Variants in KMT2C observed in about 807,000 individuals in gnomAD.
The protein encoded by KMT2C is lysine methyltransferase 2C, also known as histone-lysine N-methyltransferase 2C.
A neutral mutation model predicts 507.9 loss-of-function variants in KMT2C; 88 were observed. The ratio of observed to expected loss-of-function variants is 0.17; its 90% CI spans 0.15 to 0.21. The LOEUF (loss-of-function observed/expected upper bound fraction) is 0.21, where lower values mean the gene tolerates loss of function less well. Among genes scored for constraint, KMT2C ranks in the 10% least tolerant of loss-of-function variants. The pLI is 1.00. For synonymous variants in KMT2C, 2,049 were observed against 2,080.8 expected (o/e 0.98, Z 0.42); for missense variants, 4,954 against 5,957.8 (o/e 0.83, Z 5.55).
intron 41 of KMT2C, among the ~76,000 whole-genome samples, chr7:152,168,370 A>G (rs1396243191): frequency 1.3e-5 from 2 of 152,184 alleles, no homozygotes; most frequent in Non-Finnish European, 2.9e-5. Flanking sequence ...TTTTAATGCA[A>G]ATATGTATTC....
intron 2 of KMT2C, among the ~76,000 whole-genome samples, chr7:152,348,906 T>C (rs931503632): frequency 6.6e-6 from 1 of 152,174 alleles, no homozygotes; most frequent in African/African-American, 2.4e-5. Flanking sequence ...TGGTGGTTCC[T>C]TACAAAACTA....
At chr7:152,184,505 G>A (rs1272016762) in intron 34 of KMT2C, among the ~76,000 whole-genome samples, 2 of 152,196 alleles carry the variant, frequency 1.3e-5, no homozygotes, top group African/African-American at 2.4e-5. Flanking sequence ...CAAAGATCAT[G>A]TGTCAAAAAC....
intron 2 of KMT2C, among the ~76,000 whole-genome samples, chr7:152,351,920 G>T (rs2097114013): frequency 6.6e-6 from 1 of 152,080 alleles, no homozygotes; most frequent in South Asian, 2.1e-4. Flanking sequence ...ATGTGTGTTT[G>T]AACTATATGA....
Position 152,176,785 on chromosome 7 carries a change from T to G in KMT2C, c.8668A>C (p.Ser2890Arg), listed in dbSNP as rs763198348. 6.2e-7 allele frequency: 1 copy of G among 1,614,198 alleles called. No homozygotes were observed. Among genetic ancestry groups the G allele is most frequent in the East Asian group, 2.2e-5 (1 of 44,878 alleles). Residue 2890 changes from serine (S) to arginine (R), a missense_variant, in exon 38 of 59, where the codon AGT becomes CGT. Ser to Arg is a moderately radical substitution (Grantham distance 110). Around this residue, in one of 29 missense-constraint regions of KMT2C, gnomAD observed 1,689 missense variants for 1,654.3 expected, o/e 1.02. Transcript: ENST00000262189. The stretch of plus-strand genomic sequence containing the variant: ...GTGGATGCCTGAATGACATTTGCAC[T>G]GGGGCCAGCAGTTTCTCGATTGGTT... ...KRTNRETAGP[S>R]ANVIQASTQL...
chr7:152,199,592 C>T (rs1407647009), intron 26 of KMT2C, 133 bp from the exon 27 acceptor site: 3 of 445,366 alleles, frequency 6.7e-6, no homozygotes, highest in Admixed American at 4.4e-5. Flanking sequence ...AAACTGAATA[C>T]AGAAGTATTA....
chr7:152,342,422 G>A (rs2097004490), intron 2 of KMT2C, among the ~76,000 whole-genome samples: 1 of 152,050 alleles, frequency 6.6e-6, no homozygotes, highest in Non-Finnish European at 1.5e-5. Context: ...GTTAGAACTG[G>A]CTTACCAAAT....
At chr7:152,401,169 T>A (rs892133204) in intron 1 of KMT2C, among the ~76,000 whole-genome samples, 34 of 147,020 alleles carry the variant, frequency 2.3e-4, no homozygotes, top group Admixed American at 1.9e-3. Context: ...CACTGCAACC[T>A]CCGCCTCCGG....
chr7:152,251,090 C>T, intron 11 of KMT2C, 124 bp from the exon 12 acceptor site: 1 of 607,516 alleles, frequency 1.6e-6, no homozygotes, highest in Non-Finnish European at 2.9e-6. Context: ...AGTTTTTCTT[C>T]AGATTTTTCT....
chr7:152,251,125 A>G (rs1427450087), intron 11 of KMT2C, among the ~76,000 whole-genome samples, 159 bp from the exon 12 acceptor site: 1 of 152,180 alleles, frequency 6.6e-6, no homozygotes, highest in African/African-American at 2.4e-5. Flanking sequence ...GTATATTTAC[A>G]TTTTTAAAAA....
At chr7:152,245,303 A>G (rs2095452586) in intron 14 of KMT2C, among the ~76,000 whole-genome samples, 1 of 152,148 alleles carries the variant, frequency 6.6e-6, no homozygotes, top group Non-Finnish European at 1.5e-5. Flanking sequence ...ATTTCTCAAA[A>G]TGTTTTGTCT....
intron 1 of KMT2C, among the ~76,000 whole-genome samples, chr7:152,394,946 G>T (rs531937548): frequency 1.3e-5 from 2 of 152,148 alleles, no homozygotes; most frequent in African/African-American, 4.8e-5. Context: ...TTTTATTTAT[G>T]GTTTAATGCA....
chr7:152,168,342 G>A (rs1354067587), intron 41 of KMT2C, among the ~76,000 whole-genome samples: 1 of 152,166 alleles, frequency 6.6e-6, no homozygotes, highest in Non-Finnish European at 1.5e-5. Context: ...AAGCCAGTTG[G>A]TATAGTTCTT....
At chr7:152,137,337 C>G (rs1333567098) in intron 58 of KMT2C, 3 of 170,886 alleles carry the variant, frequency 1.8e-5, no homozygotes, top group Admixed American at 5.7e-5. Flanking sequence ...CCAGCTAACT[C>G]TGTTTTCCCT....
chr7:152,325,187 T>C (rs1445536655), intron 3 of KMT2C, among the ~76,000 whole-genome samples: 1 of 151,958 alleles, frequency 6.6e-6, no homozygotes, highest in Non-Finnish European at 1.5e-5. Context: ...GTTTCTCTCT[T>C]GTCGCCCAGG....
intron 3 of KMT2C, among the ~76,000 whole-genome samples, chr7:152,323,416 C>T (rs778284355): frequency 6.6e-6 from 1 of 151,856 alleles, no homozygotes; most frequent in South Asian, 2.1e-4. Flanking sequence ...GGCTGGAGGA[C>T]TGCTTGAGCC....
At chr7:152,209,743 TAAA>T (rs1174360544) in intron 23 of KMT2C, among the ~76,000 whole-genome samples, 4 of 116,326 alleles carry the variant, frequency 3.4e-5, no homozygotes, top group Non-Finnish European at 3.7e-5. Context: ...CAATCTCCTT[TAAA>T]AAAAAAAAAA....
At chr7:152,259,444 G>A (rs13244670) in intron 9 of KMT2C, among the ~76,000 whole-genome samples, 18 of 85,434 alleles carry the variant, frequency 2.1e-4, no homozygotes, top group South Asian at 3.7e-4. Context: ...ACACACACAC[G>A]CGCACACACA....
chr7:152,431,289 C>T (rs1172312388), intron 1 of KMT2C, among the ~76,000 whole-genome samples: 1 of 151,656 alleles, frequency 6.6e-6, no homozygotes. Context: ...CTAAAAATAA[C>T]ATCTTCTCAA....
chr7:152,265,936 T>C (rs1248746131), intron 7 of KMT2C, among the ~76,000 whole-genome samples: 2 of 152,290 alleles, frequency 1.3e-5, no homozygotes, highest in Admixed American at 6.5e-5. Context: ...TCTTTTACCA[T>C]ATAAAACAGA....
Sources: allele counts gnomAD v4.1 joint callset (sites outside exome capture counted in the v4.1 genomes callset), GRCh38; gene constraint gnomAD v4.1.1; regional missense constraint gnomAD v4.1.1; transcripts MANE v1.5; gene names NCBI Gene and HGNC (gene_info 2026-07-23, HGNC 2026-07-21).